PLCH1: variants seen among roughly 807,000 people sequenced by gnomAD.
The protein encoded by PLCH1 is 1-phosphatidylinositol 4,5-bisphosphate phosphodiesterase eta-1.
Under a neutral mutation model 126.7 loss-of-function variants are expected in PLCH1, and 60 were observed. The ratio of observed to expected loss-of-function variants is 0.47; its 90% CI spans 0.38 to 0.59. The LOEUF is 0.59. PLCH1 is among the 20% of genes least tolerant of loss of function. PLCH1 has a pLI of 0.00. For missense variants in PLCH1, 1,723 were observed against 2,040.0 expected, an observed-to-expected ratio of 0.84 and a Z score of 2.99; for synonymous variants, 719 against 734.9, an observed-to-expected ratio of 0.98 and a Z score of 0.35.
At chr3:155,669,908 A>T (rs1407434508) in intron 2 of PLCH1, among the ~76,000 whole-genome samples, 2 of 152,294 alleles carry the variant, frequency 1.3e-5, no homozygotes, top group East Asian at 3.9e-4. Context: ...TAATTTCTTT[A>T]TGAGACCTAC....
At chr3:155,498,584 T>C (rs1029427446) in intron 14 of PLCH1, among the ~76,000 whole-genome samples, 4 of 152,092 alleles carry the variant, frequency 2.6e-5, no homozygotes, top group Admixed American at 2.6e-4. Flanking sequence ...AGGGCTAAAA[T>C]GGAACAGAAA....
chr3:155,564,786 T>C (rs559641587), intron 8 of PLCH1, 129 bp downstream of exon 8: 17 of 606,208 alleles, frequency 2.8e-5, no homozygotes, highest in Non-Finnish European at 4.8e-5. Flanking sequence ...GACTTTACAA[T>C]GAGCAGAAAA....
intron 2 of PLCH1, among the ~76,000 whole-genome samples, chr3:155,692,710 A>G (rs1344634433): frequency 6.6e-6 from 1 of 151,860 alleles, no homozygotes; most frequent in Non-Finnish European, 1.5e-5. Flanking sequence ...TCTGAGCCTC[A>G]TTCTCCTCAT....
Position 155,514,758 on chromosome 3 carries a change from C to T in PLCH1, c.1597G>A (p.Ala533Thr). ...DSFTVRALLK[A>T]THEGLNAHLK... ...TGTGCATTTAAGCCTTCATGCGTGG[C>T]CTTCAGTAGTGCCCGCACTGTGAAA... Residue 533 changes from alanine to threonine, a missense_variant, in exon 12 of 23, where the codon GCC becomes ACC. By Grantham distance (58) the Ala-to-Thr change is moderately conservative. Transcript: ENST00000460012. 1 of 1,604,216 alleles carries T rather than the reference C, an allele frequency of 6.2e-7. No homozygotes were observed. Among genetic ancestry groups the T allele is most frequent in the Non-Finnish European group, 8.5e-7 (1 of 1,173,896 alleles).
intron 9 of PLCH1, among the ~76,000 whole-genome samples, chr3:155,551,563 G>A (rs1726143944): frequency 6.7e-6 from 1 of 148,174 alleles, no homozygotes; most frequent in Non-Finnish European, 1.5e-5. Context: ...CAGTACAGGA[G>A]ACGCTTGTCA....
chr3:155,715,718 T>C (rs1747453947), intron 1 of PLCH1, among the ~76,000 whole-genome samples: 1 of 150,016 alleles, frequency 6.7e-6, no homozygotes, highest in South Asian at 2.1e-4. Flanking sequence ...GATTAAGGGA[T>C]CCTCATGCCT....
At chr3:155,500,096 C>T (rs1377248456) in intron 14 of PLCH1, among the ~76,000 whole-genome samples, 1 of 152,032 alleles carries the variant, frequency 6.6e-6, no homozygotes, top group Non-Finnish European at 1.5e-5. Context: ...CCAGGAACTC[C>T]TGTAATGAAT....
chr3:155,572,065 G>T (rs1229021620), intron 6 of PLCH1, among the ~76,000 whole-genome samples: 3 of 152,110 alleles, frequency 2.0e-5, no homozygotes, highest in Non-Finnish European at 4.4e-5. Context: ...GGTCTCTCAA[G>T]TTCCACATAA....
intron 2 of PLCH1, among the ~76,000 whole-genome samples, chr3:155,642,241 A>G (rs999005776): frequency 2.6e-5 from 4 of 152,214 alleles, no homozygotes; most frequent in Non-Finnish European, 5.9e-5. Context: ...AGATTTCAGC[A>G]TCCACATTCT....
At chr3:155,581,681 G>A (rs1397345387) in intron 6 of PLCH1, among the ~76,000 whole-genome samples, 2 of 151,736 alleles carry the variant, frequency 1.3e-5, no homozygotes, top group Non-Finnish European at 2.9e-5. Context: ...TAGGTTTGGG[G>A]TTTCTTCTTG....
At chr3:155,495,740 T>G (rs1264953899) in intron 15 of PLCH1, among the ~76,000 whole-genome samples, 1 of 152,220 alleles carries the variant, frequency 6.6e-6, no homozygotes, top group African/African-American at 2.4e-5. Flanking sequence ...ACTCCCGAGT[T>G]AGAAGAGTCA....
chr3:155,462,385 G>A (rs6440993), intron 21 of PLCH1, among the ~76,000 whole-genome samples: 44,241 of 151,994 alleles, frequency 0.29, 7,332 homozygotes, highest in African/African-American at 0.44. Flanking sequence ...GAAGATGTGG[G>A]AAATAAGAAT....
chr3:155,522,937 G>A (rs1055215592), intron 11 of PLCH1, among the ~76,000 whole-genome samples: 47 of 143,832 alleles, frequency 3.3e-4, no homozygotes, highest in African/African-American at 1.2e-3. Context: ...TGGATCACCT[G>A]GCTAAATGAT....
chr3:155,715,574 T>C (rs1747439396), intron 1 of PLCH1, among the ~76,000 whole-genome samples: 1 of 151,754 alleles, frequency 6.6e-6, no homozygotes, highest in Non-Finnish European at 1.5e-5. Context: ...CAAAGTGCTA[T>C]GTTTATAGGA....
At chr3:155,528,737 G>A (rs1722286865) in intron 10 of PLCH1, among the ~76,000 whole-genome samples, 1 of 152,166 alleles carries the variant, frequency 6.6e-6, no homozygotes, top group Non-Finnish European at 1.5e-5. Flanking sequence ...AGAAAGGAAA[G>A]TGTAACTGTG....
chr3:155,453,626 A>G (rs947611889), intron 21 of PLCH1, among the ~76,000 whole-genome samples: 19 of 152,200 alleles, frequency 1.2e-4, no homozygotes, highest in African/African-American at 4.6e-4. Context: ...GAACTGATTA[A>G]TGAAGAGAAT....
intron 2 of PLCH1, among the ~76,000 whole-genome samples, chr3:155,615,326 C>A (rs1735662327): frequency 6.6e-6 from 1 of 152,084 alleles, no homozygotes; most frequent in Non-Finnish European, 1.5e-5. Flanking sequence ...ACAGTTCTAC[C>A]CTGCTGGTTG....
intron 10 of PLCH1, among the ~76,000 whole-genome samples, chr3:155,529,759 T>TTTTTGTTTTGTTTTGTTTTGTTTTG (rs71155050): frequency 8.0e-5 from 12 of 150,640 alleles, no homozygotes; most frequent in South Asian, 4.3e-4. Context: ...ATTTGCTTCT[T>TTTTTGTTTTGTTTTGTTTTGTTTTG]TTTTGTTTTG....
intron 10 of PLCH1, among the ~76,000 whole-genome samples, chr3:155,538,135 G>A (rs1295398475): frequency 6.6e-6 from 1 of 152,076 alleles, no homozygotes; most frequent in Non-Finnish European, 1.5e-5. Flanking sequence ...TAAATAATCT[G>A]CTCCTGAATA....
Sources: gnomAD v4.1 joint callset for allele counts (sites outside exome capture counted in the v4.1 genomes callset) on GRCh38, gnomAD v4.1.1 for gene constraint, MANE v1.5 for transcripts, NCBI Gene and HGNC (gene_info 2026-07-23, HGNC 2026-07-21) for gene names.